Variants in DPYD observed in about 807,000 individuals in gnomAD.
The protein encoded by DPYD is dihydropyrimidine dehydrogenase, also known as dihydropyrimidine dehydrogenase [NADP(+)].
Under a neutral mutation model 116.2 loss-of-function variants are expected in DPYD, and 109 were observed. The observed-to-expected ratio is 0.94, with a 90% confidence interval of 0.80 to 1.10. The LOEUF is 1.10. Ranked by LOEUF, DPYD falls within the 50% of genes least tolerant of loss-of-function variation. The pLI is 0.00. For missense variants in DPYD, 1,302 were observed against 1,254.5 expected (o/e 1.04, Z -0.57); for synonymous variants, 440 against 432.0 (o/e 1.02, Z -0.23).
At chr1:97,467,277 G>C (rs569602035) in intron 13 of DPYD, among the ~76,000 whole-genome samples, 2 of 152,288 alleles carry the variant, frequency 1.3e-5, no homozygotes, top group South Asian at 2.1e-4. Context: ...GAGGTACCTA[G>C]AGAAAGTCAA....
chr1:97,556,050 T>C (rs1651678951), intron 11 of DPYD, among the ~76,000 whole-genome samples: 1 of 152,206 alleles, frequency 6.6e-6, no homozygotes, highest in Non-Finnish European at 1.5e-5. Flanking sequence ...ATCATCTTGC[T>C]TCAGAGCCTG....
chr1:97,141,950 G>A (rs1382217458), intron 20 of DPYD, among the ~76,000 whole-genome samples: 1 of 152,012 alleles, frequency 6.6e-6, no homozygotes, highest in Non-Finnish European at 1.5e-5. Flanking sequence ...CAGCATTCTG[G>A]GTATTCTAGA....
chr1:97,173,795 C>T (rs76214615), intron 20 of DPYD, among the ~76,000 whole-genome samples: 2,314 of 146,378 alleles, frequency 0.016, 32 homozygotes, highest in Middle Eastern at 0.038. Flanking sequence ...AAAAGATGTG[C>T]GATACTTGTT....
intron 14 of DPYD, among the ~76,000 whole-genome samples, chr1:97,407,970 G>A (rs936348333): frequency 6.6e-6 from 1 of 152,132 alleles, no homozygotes; most frequent in Non-Finnish European, 1.5e-5. Flanking sequence ...TGTTGGCTGG[G>A]GTGATTGACC....
At chr1:97,505,260 G>T (rs1236458741) in intron 13 of DPYD, among the ~76,000 whole-genome samples, 3 of 151,800 alleles carry the variant, frequency 2.0e-5, no homozygotes, top group Non-Finnish European at 2.9e-5. Flanking sequence ...TTAACAACAG[G>T]TTCCCTGTTT....
chr1:97,345,070 T>C (rs957081896), intron 16 of DPYD, among the ~76,000 whole-genome samples: 1 of 151,942 alleles, frequency 6.6e-6, no homozygotes. Flanking sequence ...TCTGACCAGC[T>C]GGGTTGGATA....
intron 2 of DPYD, among the ~76,000 whole-genome samples, chr1:97,836,127 G>A (rs1043408773): frequency 3.3e-5 from 5 of 152,148 alleles, no homozygotes; most frequent in African/African-American, 1.2e-4. Flanking sequence ...AGACTAAGTG[G>A]TGTCTAAGCA....
rs185445553 is a variant in DPYD, at chr1:97,286,971, G to A, written c.2299+18288C>T. ...TGTTACGTTGCTGGTGAGGAACTGC[G>A]TTCCATTGGAGGAGGAGAGGCACTC... On this transcript the variant is annotated intron_variant, in intron 18 of 22. Coordinates refer to ENST00000370192, the MANE Select transcript of DPYD (RefSeq NM_000110.4). 4.1e-4 allele frequency among the ~76,000 whole-genome samples: 63 copies of A among 152,348 alleles called. 1 individual carries two copies. In the East Asian group the frequency reaches 6.4e-3, roughly 15 times the overall value.
chr1:97,914,694 C>T (rs1359634801), intron 1 of DPYD, among the ~76,000 whole-genome samples: 2 of 152,050 alleles, frequency 1.3e-5, no homozygotes, highest in African/African-American at 4.8e-5. Flanking sequence ...GAAACTTACA[C>T]CAGTGGGCTC....
At position 97,450,152 on chromosome 1, in the gene DPYD, T is replaced by C; in HGVS notation, c.1812A>G (p.Gln604=). The change falls in exon 14 of 23, where the codon CAA becomes CAG. Residue 604 remains glutamine, a synonymous_variant. Transcript: ENST00000370192. ...TTSGPMYGPG[Q]SSFLNIELIS... ...TGAGCTCAATATTCAGAAAGGAGCT[T>C]TGTCCAGGGCCATACATGGGGCCAG... 2 of 1,613,970 alleles carry C rather than the reference T, an allele frequency of 1.2e-6. No individual in the cohort carries two copies. Among genetic ancestry groups the C allele is most frequent in the Non-Finnish European group, 1.7e-6 (2 of 1,179,898 alleles).
chr1:97,390,357 T>C (rs1425400412), intron 14 of DPYD, among the ~76,000 whole-genome samples: 3 of 152,018 alleles, frequency 2.0e-5, no homozygotes, highest in Non-Finnish European at 4.4e-5. Flanking sequence ...ATTACATTGA[T>C]GAGGAAAAAC....
At chr1:97,087,287 C>A (rs1649584015) in intron 21 of DPYD, among the ~76,000 whole-genome samples, 2 of 152,146 alleles carry the variant, frequency 1.3e-5, no homozygotes, top group African/African-American at 4.8e-5. Context: ...TAGCAGGTGC[C>A]TTATTCTGGA....
intron 18 of DPYD, among the ~76,000 whole-genome samples, chr1:97,257,575 G>A (rs949318456): frequency 6.6e-6 from 1 of 151,250 alleles, no homozygotes; most frequent in East Asian, 1.9e-4. Flanking sequence ...ATTTGTGTAT[G>A]TATATGTGTA....
At chr1:97,779,878 C>A (rs763987303) in intron 3 of DPYD, among the ~76,000 whole-genome samples, 3 of 151,990 alleles carry the variant, frequency 2.0e-5, no homozygotes, top group Non-Finnish European at 4.4e-5. Context: ...AGCTGTAGGG[C>A]CATGATCAGT....
At chr1:97,830,473 G>A (rs1229180539) in intron 2 of DPYD, among the ~76,000 whole-genome samples, 9 of 152,002 alleles carry the variant, frequency 5.9e-5, no homozygotes, top group Admixed American at 5.9e-4. Context: ...CAGCACTTTG[G>A]GAGGCCGAGG....
intron 18 of DPYD, among the ~76,000 whole-genome samples, chr1:97,242,309 T>C (rs1662429853): frequency 1.3e-5 from 2 of 150,606 alleles, no homozygotes. Flanking sequence ...AGTTACTCTA[T>C]TAAATAAATT....
chr1:97,510,181 A>G (rs538509289), intron 13 of DPYD, among the ~76,000 whole-genome samples: 1 of 151,936 alleles, frequency 6.6e-6, no homozygotes, highest in Non-Finnish European at 1.5e-5. Context: ...CAGAAGGCAG[A>G]GCCAACAGTA....
intron 3 of DPYD, among the ~76,000 whole-genome samples, chr1:97,744,046 C>A (rs1048072255): frequency 9.2e-5 from 14 of 151,858 alleles, no homozygotes; most frequent in Non-Finnish European, 1.9e-4. Flanking sequence ...CAAAGCATAA[C>A]AATGAATTTG....
At chr1:97,119,091 G>A in intron 20 of DPYD, among the ~76,000 whole-genome samples, 1 of 151,990 alleles carries the variant, frequency 6.6e-6, no homozygotes, top group East Asian at 1.9e-4. Flanking sequence ...AGCATACTAA[G>A]TGTGTGATTT....
Sources: gnomAD v4.1 joint callset for allele counts (sites outside exome capture counted in the v4.1 genomes callset) on GRCh38, gnomAD v4.1.1 for gene constraint, MANE v1.5 for transcripts, NCBI Gene and HGNC (gene_info 2026-07-23, HGNC 2026-07-21) for gene names.